PLCB1: variants seen among roughly 807,000 people sequenced by gnomAD.
PLCB1 encodes the protein phospholipase C beta 1.
A neutral mutation model predicts 161.8 loss-of-function variants in PLCB1; 46 were observed. The ratio of observed to expected loss-of-function variants is 0.28; its 90% CI spans 0.22 to 0.36. The LOEUF is 0.36. PLCB1 is among the 10% of genes least tolerant of loss of function. PLCB1 has a pLI of 1.00. For missense variants in PLCB1, 1,016 were observed against 1,472.5 expected (o/e 0.69, Z 5.07); for synonymous variants, 517 against 503.7 (o/e 1.03, Z -0.35).
intron 3 of PLCB1, among the ~76,000 whole-genome samples, chr20:8,434,278 T>G (rs1980200722): frequency 6.7e-6 from 1 of 150,164 alleles, no homozygotes; most frequent in Non-Finnish European, 1.5e-5. Flanking sequence ...AAAGTTTTAT[T>G]GAATGCCTAT....
At position 8,647,929 on chromosome 20, in the gene PLCB1, C is replaced by T; in HGVS notation, c.494C>T (p.Pro165Leu). The change falls in exon 6 of 32, where the codon CCA (proline) becomes CTA (leucine). Residue 165 changes from proline to leucine, a missense_variant. This residue lies in a region of PLCB1 where 181 missense variants were observed against 236.7 expected (regional missense o/e 0.76). Transcript: ENST00000338037. The part of the protein sequence containing the change: ...AYTKLKLQVT[P>L]EGRIPLKNIY... ...ACTAAACTTAAGCTGCAAGTCACTCCAGAAGGGCGTATTCCTCTCAAAAAG... is the reference window on the plus strand; with the variant it reads ...ACTAAACTTAAGCTGCAAGTCACTCTAGAAGGGCGTATTCCTCTCAAAAAG... 2.5e-6 allele frequency: 4 copies of T among 1,591,852 alleles called. No homozygotes were observed. The highest frequency in any genetic ancestry group is 3.4e-6 in the Non-Finnish European group (4 of 1,172,900).
intron 3 of PLCB1, among the ~76,000 whole-genome samples, chr20:8,461,422 A>G (rs1981573448): frequency 6.6e-6 from 1 of 152,164 alleles, no homozygotes; most frequent in Non-Finnish European, 1.5e-5. Flanking sequence ...TCTAAGCATC[A>G]ATTTCCTCAT....
chr20:8,136,591 A>C (rs796605700), intron 1 of PLCB1, among the ~76,000 whole-genome samples: 257 of 150,440 alleles, frequency 1.7e-3, no homozygotes, highest in African/African-American at 6.1e-3. Context: ...GCGCCACTGC[A>C]CTCCAGCCTG....
chr20:8,646,437 C>T (rs138904904), intron 5 of PLCB1, among the ~76,000 whole-genome samples: 1 of 152,204 alleles, frequency 6.6e-6, no homozygotes, highest in Non-Finnish European at 1.5e-5. Context: ...GCTTTTGACA[C>T]ACAACAAAGA....
chr20:8,542,772 T>TTC lies in PLCB1; in HGVS notation c.247-85521_247-85520dup, dbSNP rs1406374667. 3.9e-5 allele frequency among the ~76,000 whole-genome samples: 6 copies of TTC among 152,334 alleles called. No homozygotes were observed. In the South Asian group the frequency reaches 1.2e-3, roughly 32 times the overall value. On this transcript the variant is annotated intron_variant, in intron 3 of 31. Coordinates refer to ENST00000338037, the MANE Select transcript of PLCB1 (RefSeq NM_015192.4). The stretch of plus-strand genomic sequence containing the variant: ...ACCTTAGAGGTGGTGCTCAGTGTCC[T>TTC]TCGTTCAGATCAGGGAAGGAAACTG...
chr20:8,853,079 A>C (rs1986943618), intron 31 of PLCB1, among the ~76,000 whole-genome samples: 1 of 151,660 alleles, frequency 6.6e-6, no homozygotes, highest in Non-Finnish European at 1.5e-5. Context: ...ATATGAAAAC[A>C]TGTGCATATT....
chr20:8,583,441 T>A (rs918100941), intron 3 of PLCB1, among the ~76,000 whole-genome samples: 8 of 152,166 alleles, frequency 5.3e-5, no homozygotes, highest in African/African-American at 1.9e-4. Context: ...AATAAATAAA[T>A]TATTTAAAAA....
chr20:8,506,737 C>T (rs1600113443), intron 3 of PLCB1, among the ~76,000 whole-genome samples: 1 of 152,208 alleles, frequency 6.6e-6, no homozygotes, highest in Middle Eastern at 3.4e-3. Flanking sequence ...AAGATTGACC[C>T]TTTACCGCAG....
chr20:8,783,798 T>C (rs889029810), intron 27 of PLCB1, among the ~76,000 whole-genome samples: 1 of 152,148 alleles, frequency 6.6e-6, no homozygotes, highest in Non-Finnish European at 1.5e-5. Context: ...TCCATTGACA[T>C]GTAGGAAAAA....
chr20:8,883,486 AGTTTT>A lies in PLCB1; in HGVS notation c.*1638_*1642del, dbSNP rs1270010707. 6.6e-6 allele frequency: 1 copy of A among 152,130 alleles called. No individual in the cohort carries two copies. Among genetic ancestry groups the A allele is most frequent in the Non-Finnish European group, 1.5e-5 (1 of 67,986 alleles). 9.4% of individuals were successfully genotyped at this position (152,130 alleles called of 1,614,324 possible). ...TAAAACCCAGAAGCCAGATGCTCAC[AGTTTT>A]ATTTTACTTTAAAATAAACCTGTCT... On this transcript the variant is annotated 3_prime_UTR_variant, in exon 32 of 32. Coordinates refer to ENST00000338037, the MANE Select transcript of PLCB1 (RefSeq NM_015192.4).
intron 2 of PLCB1, among the ~76,000 whole-genome samples, chr20:8,282,455 A>G (rs1226795637): frequency 6.6e-6 from 1 of 152,236 alleles, no homozygotes; most frequent in Non-Finnish European, 1.5e-5. Context: ...TTTGGAGACA[A>G]TAAAGGAATA....
At chr20:8,323,070 C>T (rs1984987493) in intron 2 of PLCB1, among the ~76,000 whole-genome samples, 1 of 152,160 alleles carries the variant, frequency 6.6e-6, no homozygotes, top group Non-Finnish European at 1.5e-5. Context: ...TCTCAGTTAA[C>T]TGATTGCTTT....
chr20:8,194,279 T>C (rs1188866887), intron 2 of PLCB1, among the ~76,000 whole-genome samples: 1 of 152,020 alleles, frequency 6.6e-6, no homozygotes, highest in African/African-American at 2.4e-5. Flanking sequence ...AGTTCCACTT[T>C]GGGTTGATAT....
At chr20:8,853,562 A>C (rs908582337) in intron 31 of PLCB1, among the ~76,000 whole-genome samples, 1 of 152,198 alleles carries the variant, frequency 6.6e-6, no homozygotes, top group Non-Finnish European at 1.5e-5. Flanking sequence ...ATGTGAATAC[A>C]CCACACTTCA....
chr20:8,751,080 C>CAT, intron 23 of PLCB1: 8 of 238,144 alleles, frequency 3.4e-5, no homozygotes, highest in Non-Finnish European at 4.3e-5. Context: ...GGACTACAGG[C>CAT]GCCCACCACC....
intron 3 of PLCB1, among the ~76,000 whole-genome samples, chr20:8,569,291 C>T (rs1456412706): frequency 6.6e-6 from 1 of 152,266 alleles, no homozygotes; most frequent in Non-Finnish European, 1.5e-5. Context: ...ACAAAGTAAA[C>T]AAGTATTTCC....
Position 8,271,448 on chromosome 20 carries a change from C to T in PLCB1, c.178-99934C>T, listed in dbSNP as rs184238425. Among the ~76,000 whole-genome samples the T allele has an allele frequency of 1.9e-3, 292 of 152,160 alleles. 1 individual carries two copies. Among genetic ancestry groups the T allele is most frequent in the African/African-American group, 6.9e-3 (285 of 41,536 alleles). ...ATCCATGCTTTAGAATGAATGAAAA[C>T]CTTAAAACCAGGTTAAATTTATTTT... On this transcript the variant is annotated intron_variant, in intron 2 of 31. Transcript: ENST00000338037.
At chr20:8,273,110 A>C (rs1047867564) in intron 2 of PLCB1, among the ~76,000 whole-genome samples, 5 of 152,210 alleles carry the variant, frequency 3.3e-5, no homozygotes, top group African/African-American at 1.2e-4. Flanking sequence ...TGAACAACAA[A>C]GATTGTTGAA....
chr20:8,632,035 C>CTTTTTTTTTTTGTTTTTTTTTTTTTTT (rs1568537430), intron 4 of PLCB1, among the ~76,000 whole-genome samples: 1 of 45,994 alleles, frequency 2.2e-5, no homozygotes, highest in Admixed American at 3.0e-4. Context: ...GTTTTTTTTG[C>CTTTTTTTTTTTGTTTTTTTTTTTTTTT]TTTTTTTTTT....
Sources: allele counts gnomAD v4.1 joint callset (sites outside exome capture counted in the v4.1 genomes callset), GRCh38; gene constraint gnomAD v4.1.1; regional missense constraint gnomAD v4.1.1; transcripts MANE v1.5; gene names NCBI Gene and HGNC (gene_info 2026-07-23, HGNC 2026-07-21).